PARD3B: variants seen among roughly 807,000 people sequenced by gnomAD.
The protein encoded by PARD3B is partitioning defective 3 homolog B.
Under a neutral mutation model 130.2 loss-of-function variants are expected in PARD3B, and 103 were observed. That is an observed-to-expected ratio of 0.79 (90% confidence interval 0.67 to 0.93). PARD3B has a LOEUF of 0.93. Among genes scored for constraint, PARD3B ranks in the 40% least tolerant of loss-of-function variants. The pLI, the probability that PARD3B is intolerant of heterozygous loss-of-function variation, is 0.00. For synonymous variants in PARD3B, 583 were observed against 553.2 expected (o/e 1.05, Z -0.76); for missense variants, 1,609 against 1,499.2 (o/e 1.07, Z -1.21).
In PARD3B at chr2:204,546,097, G is replaced by C; in HGVS notation, c.98G>C (p.Arg33Pro). 6.4e-7 allele frequency: 1 copy of C among 1,556,462 alleles called. No individual in the cohort carries two copies. The highest frequency in any genetic ancestry group is 8.7e-7 in the Non-Finnish European group (1 of 1,150,120). ...VGELTQQALQRYLKTREKGPG... is the reference protein window; with the variant it reads ...VGELTQQALQPYLKTREKGPG... ...GAGCTCACCCAGCAGGCGCTGCAGC[G>C]GTACCTGAAGACCCGGGAGAAGGTG... is the stretch of plus-strand genomic sequence containing the variant. Residue 33 changes from arginine to proline, a missense_variant, in exon 1 of 23, where the codon CGG (arginine) becomes CCG (proline). By Grantham distance (103) the Arg-to-Pro change is moderately radical. Transcript: ENST00000406610.
chr2:204,649,805 A>G (rs535843621), intron 1 of PARD3B, among the ~76,000 whole-genome samples: 1 of 152,340 alleles, frequency 6.6e-6, no homozygotes, highest in East Asian at 1.9e-4. Flanking sequence ...CCAAAACTAT[A>G]AAAAGCTGGA....
chr2:204,753,995 A>T (rs886629957), intron 2 of PARD3B, among the ~76,000 whole-genome samples: 1 of 152,220 alleles, frequency 6.6e-6, no homozygotes, highest in Non-Finnish European at 1.5e-5. Flanking sequence ...ACAATTCTGT[A>T]TAGTCTGCAT....
Position 205,052,485 on chromosome 2 carries a change from T to G in PARD3B, c.504+4795T>G, listed in dbSNP as rs1434466870. On this transcript the variant is annotated intron_variant, in intron 4 of 22. Transcript: ENST00000406610. ...AAAATAAGCTGGCAGATTTGGGGGT[T>G]GTTAAATTAGAAGTTCATGGATAGA... Among the ~76,000 whole-genome samples, 3 of 146,162 alleles carry G rather than the reference T, an allele frequency of 2.1e-5. No homozygotes were observed. The Admixed American group carries it at 2.1e-4, about 10-fold the overall frequency.
chr2:205,225,313 G>C (rs2038483876), intron 15 of PARD3B, among the ~76,000 whole-genome samples: 1 of 151,754 alleles, frequency 6.6e-6, no homozygotes, highest in South Asian at 2.1e-4. Context: ...ACTGGGGTGA[G>C]ATGACATCTC....
chr2:205,103,673 CCT>C, intron 4 of PARD3B: 1 of 981,950 alleles, frequency 1.0e-6, no homozygotes, highest in Non-Finnish European at 1.2e-6. Flanking sequence ...CACAGGATTC[CCT>C]GTTAGGGAAC....
At chr2:205,152,138 T>C (rs1413179519) in intron 10 of PARD3B, among the ~76,000 whole-genome samples, 1 of 152,238 alleles carries the variant, frequency 6.6e-6, no homozygotes, top group African/African-American at 2.4e-5. Flanking sequence ...CAGCTGTTAG[T>C]CTGATGGGCT....
Position 205,617,669 on chromosome 2 carries a change from T to C in PARD3B, c.*1856T>C, listed in dbSNP as rs575626009. On this transcript the variant is annotated 3_prime_UTR_variant, in exon 23 of 23. Transcript: ENST00000406610. ...CTTAAGCCAGGCACCTTTAGAGTGT[T>C]TGCAATTTGTTCGAAGTGGTTGAGG... 6 of 152,306 alleles carry C rather than the reference T, an allele frequency of 3.9e-5. No individual in the cohort carries two copies. The East Asian group carries it at 9.7e-4, about 25-fold the overall frequency. The allele number at this position is 152,306 out of a possible 1,614,324, so 9.4% of individuals were successfully genotyped here. A position where few individuals can be genotyped will look rare whatever the true frequency, so the allele number is the denominator to read the frequency against.
chr2:204,637,048 T>C (rs1298890862), intron 1 of PARD3B, among the ~76,000 whole-genome samples: 1 of 152,180 alleles, frequency 6.6e-6, no homozygotes, highest in African/African-American at 2.4e-5. Context: ...AAACACTTAA[T>C]CCCTTTATTC....
intron 18 of PARD3B, among the ~76,000 whole-genome samples, chr2:205,302,607 C>T (rs1306369228): frequency 6.6e-6 from 1 of 152,176 alleles, no homozygotes; most frequent in Non-Finnish European, 1.5e-5. Context: ...AGTGGGGAAG[C>T]CCTATGTGTT....
intron 22 of PARD3B, among the ~76,000 whole-genome samples, chr2:205,602,841 T>G (rs114760725): frequency 0.22 from 33,168 of 151,950 alleles, 4,114 homozygotes; most frequent in Non-Finnish European, 0.29. Context: ...TTTTGAAAGG[T>G]TTTTCATGTC....
intron 10 of PARD3B, among the ~76,000 whole-genome samples, chr2:205,148,942 T>C (rs1388034909): frequency 6.6e-6 from 1 of 152,160 alleles, no homozygotes; most frequent in African/African-American, 2.4e-5. Context: ...CATGGATGCT[T>C]TCAGGTCTGA....
At chr2:204,645,246 C>T (rs572771783) in intron 1 of PARD3B, among the ~76,000 whole-genome samples, 1 of 152,224 alleles carries the variant, frequency 6.6e-6, no homozygotes, top group South Asian at 2.1e-4. Flanking sequence ...GGGGAAACCT[C>T]AGGCCCTCTG....
rs1458889707 is a variant in PARD3B, at chr2:205,456,877, A to C, written c.3044+16205A>C. Among the ~76,000 whole-genome samples the C allele has an allele frequency of 1.7e-4, 26 of 149,844 alleles. No individual in the cohort carries two copies. The Admixed American group carries it at 1.7e-3, about 10-fold the overall frequency. ...CTCAGTTAAATATAATTTAATAAAT[A>C]TTAAATTGAATAATCAATTTAATAT... On this transcript the variant is annotated intron_variant, in intron 20 of 22. Coordinates refer to ENST00000406610, the MANE Select transcript of PARD3B (RefSeq NM_001302769.2).
At chr2:204,723,400 A>G (rs2039081413) in intron 2 of PARD3B, among the ~76,000 whole-genome samples, 1 of 152,162 alleles carries the variant, frequency 6.6e-6, no homozygotes, top group South Asian at 2.1e-4. Context: ...TTTCTGAGTA[A>G]GCTAAAGACA....
intron 19 of PARD3B, among the ~76,000 whole-genome samples, chr2:205,417,988 G>A: frequency 6.6e-6 from 1 of 152,132 alleles, no homozygotes; most frequent in East Asian, 1.9e-4. Flanking sequence ...GTATTCTCTT[G>A]TGTCTTTTTT....
At chr2:204,658,828 C>T (rs1380966185) in intron 1 of PARD3B, among the ~76,000 whole-genome samples, 1 of 152,156 alleles carries the variant, frequency 6.6e-6, no homozygotes, top group African/African-American at 2.4e-5. Context: ...TCTGCTATTA[C>T]CAATGTGTCT....
chr2:204,762,146 G>T lies in PARD3B; in HGVS notation c.222+75864G>T, dbSNP rs542018667. 3.5e-3 allele frequency among the ~76,000 whole-genome samples: 419 copies of T among 118,842 alleles called. 3 individuals are homozygous for T. The highest frequency in any genetic ancestry group is 0.013 in the African/African-American group (370 of 28,460). The allele number at this position is 118,842 out of a possible 152,430, so 78.0% of individuals were successfully genotyped here. Reference sequence around the variant, plus strand: ...TTTTTTTTTTTTTTTTTTTGAGATGGAATCTTGCTCTGTCACCCAAGTCGG... The same window carrying T: ...TTTTTTTTTTTTTTTTTTTGAGATGTAATCTTGCTCTGTCACCCAAGTCGG... On this transcript the variant is annotated intron_variant, in intron 2 of 22. Transcript: ENST00000406610.
chr2:204,614,281 A>G (rs2034030265), intron 1 of PARD3B, among the ~76,000 whole-genome samples: 1 of 152,170 alleles, frequency 6.6e-6, no homozygotes, highest in African/African-American at 2.4e-5. Flanking sequence ...TATTTTTAAC[A>G]TGTAACTAAT....
intron 20 of PARD3B, among the ~76,000 whole-genome samples, chr2:205,499,210 G>T (rs1349383067): frequency 6.6e-6 from 1 of 151,794 alleles, no homozygotes; most frequent in African/African-American, 2.4e-5. Flanking sequence ...GGGTTGGGCA[G>T]ATGAGTTACT....
Sources: gnomAD v4.1 joint callset for allele counts (sites outside exome capture counted in the v4.1 genomes callset) on GRCh38, gnomAD v4.1.1 for gene constraint, MANE v1.5 for transcripts, NCBI Gene and HGNC (gene_info 2026-07-23, HGNC 2026-07-21) for gene names.